CNTNAP4: variants seen among roughly 807,000 people sequenced by gnomAD.
CNTNAP4 encodes contactin-associated protein-like 4.
CNTNAP4 carries 98 observed loss-of-function variants against 148.4 expected under a neutral mutation model. That is an observed-to-expected ratio of 0.66 (90% CI 0.56 to 0.78). The LOEUF (loss-of-function observed/expected upper bound fraction) is 0.78. CNTNAP4 is among the 30% of genes least tolerant of loss of function. The pLI, the probability that CNTNAP4 is intolerant of heterozygous loss-of-function variation, is 0.00. For missense variants in CNTNAP4, 1,935 were observed against 1,565.6 expected, an observed-to-expected ratio of 1.24 and a Z score of -3.98; for synonymous variants, 730 against 565.1, an observed-to-expected ratio of 1.29 and a Z score of -4.14.
chr16:76,470,235 G>A (rs1042595796), intron 10 of CNTNAP4, among the ~76,000 whole-genome samples: 1 of 152,098 alleles, frequency 6.6e-6, no homozygotes, highest in Non-Finnish European at 1.5e-5. Flanking sequence ...ATGTTTGCCT[G>A]CCATGCCATG....
intron 17 of CNTNAP4, among the ~76,000 whole-genome samples, chr16:76,525,743 A>G (rs1013767726): frequency 6.7e-3 from 50 of 7,420 alleles, no homozygotes; most frequent in Non-Finnish European, 0.014. Flanking sequence ...TATATATTGT[A>G]TATAATATAG....
rs9939002 is a variant in CNTNAP4 at position 76,314,183 on chromosome 16, G to A, written c.86-2230G>A. ...GATACATATGTAAATGTATGTGCAT[G>A]TGTAATATATTTTATATGAAACATC... On this transcript the variant is annotated intron_variant, in intron 1 of 23. Transcript: ENST00000611870. 8.5e-3 allele frequency among the ~76,000 whole-genome samples: 1,291 copies of A among 152,298 alleles called. 17 individuals are homozygous for A. Among genetic ancestry groups the A allele is most frequent in the African/African-American group, 0.029 (1,211 of 41,540 alleles).
intron 3 of CNTNAP4, among the ~76,000 whole-genome samples, chr16:76,357,182 A>G (rs1340603909): frequency 6.6e-6 from 1 of 152,140 alleles, no homozygotes; most frequent in Non-Finnish European, 1.5e-5. Flanking sequence ...TAACAATAAA[A>G]ACTTAATGAG....
At chr16:76,452,384 A>G in intron 7 of CNTNAP4, 124 bp from the exon 8 acceptor site, 1 of 875,862 alleles carries the variant, frequency 1.1e-6, no homozygotes, top group Non-Finnish European at 1.8e-6. Flanking sequence ...TTGGACTGTC[A>G]TGTTGATAGC....
chr16:76,375,865 C>T (rs1210589266), intron 3 of CNTNAP4, among the ~76,000 whole-genome samples: 1 of 152,150 alleles, frequency 6.6e-6, no homozygotes, highest in Non-Finnish European at 1.5e-5. Flanking sequence ...AGATGGAAGG[C>T]GATGAATAGC....
At chr16:76,363,725 A>C (rs568860966) in intron 3 of CNTNAP4, among the ~76,000 whole-genome samples, 1 of 152,328 alleles carries the variant, frequency 6.6e-6, no homozygotes, top group South Asian at 2.1e-4. Context: ...AAATATTTGG[A>C]AACCATGTAT....
chr16:76,460,773 A>ATAAATAAATATATATATATATAT (rs1555564517), intron 8 of CNTNAP4, among the ~76,000 whole-genome samples: 1 of 57,324 alleles, frequency 1.7e-5, no homozygotes, highest in African/African-American at 6.4e-5. Context: ...AAAAAAAAAA[A>ATAAATAAATATATATATATATAT]ATATATATAT....
At chr16:76,550,221 C>T (rs1428006426) in intron 21 of CNTNAP4, among the ~76,000 whole-genome samples, 2 of 152,102 alleles carry the variant, frequency 1.3e-5, no homozygotes, top group Non-Finnish European at 2.9e-5. Context: ...TTGTTTTCTT[C>T]ATAGTATTAT....
In CNTNAP4 at chr16:76,472,336, C is replaced by G. The variant is rs371602239; in HGVS notation, c.1656-3603C>G. On this transcript the variant is annotated intron_variant, in intron 10 of 23. Transcript: ENST00000611870. ...CATTTGAATTAAAAATAGGAAAAATCTAGTCTAACAAGAATCAAGAAAAAT... is the reference window on the plus strand; with the variant it reads ...CATTTGAATTAAAAATAGGAAAAATGTAGTCTAACAAGAATCAAGAAAAAT... 3.3e-5 allele frequency among the ~76,000 whole-genome samples: 5 copies of G among 152,034 alleles called. No individual in the cohort carries two copies. In the East Asian group the frequency reaches 9.6e-4, roughly 29 times the overall value.
At chr16:76,444,457 T>G (rs1472478560) in intron 4 of CNTNAP4, among the ~76,000 whole-genome samples, 1 of 152,108 alleles carries the variant, frequency 6.6e-6, no homozygotes, top group Non-Finnish European at 1.5e-5. Context: ...TTCTTAACAG[T>G]GGTAAGATCA....
intron 2 of CNTNAP4, among the ~76,000 whole-genome samples, chr16:76,352,253 C>T (rs536753541): frequency 6.6e-6 from 1 of 152,114 alleles, no homozygotes; most frequent in Non-Finnish European, 1.5e-5. Flanking sequence ...AAAGTTTTGA[C>T]AGGGCCTGGA....
At chr16:76,405,141 AG>A (rs1451502170) in intron 3 of CNTNAP4, among the ~76,000 whole-genome samples, 1 of 152,224 alleles carries the variant, frequency 6.6e-6, no homozygotes, top group African/African-American at 2.4e-5. Context: ...GCTGTAATGT[AG>A]TTGTTAAAGA....
At chr16:76,353,298 C>T (rs926392689) in intron 2 of CNTNAP4, among the ~76,000 whole-genome samples, 2 of 152,166 alleles carry the variant, frequency 1.3e-5, no homozygotes, top group African/African-American at 4.8e-5. Flanking sequence ...TGAATGCAAG[C>T]AGTCATTAGT....
At chr16:76,287,767 A>G (rs1958947608) in intron 1 of CNTNAP4, 1 of 152,178 alleles carries the variant, frequency 6.6e-6, no homozygotes, top group Non-Finnish European at 1.5e-5. Context: ...TCCATTTTAT[A>G]TCATACAATA....
In CNTNAP4 at chr16:76,526,787, C is replaced by G. The variant is rs7188191; in HGVS notation, c.2755+4530C>G. Among the ~76,000 whole-genome samples, 741 of 151,980 alleles carry G rather than the reference C, an allele frequency of 4.9e-3. 8 individuals carry two copies. Among genetic ancestry groups the G allele is most frequent in the South Asian group, 0.023 (109 of 4,810 alleles). On this transcript the variant is annotated intron_variant, in intron 17 of 23. Transcript: ENST00000611870. ...CTCCTGGGCTCAAGGGATTCTCCCA[C>G]CTCAGCCTCCCAAGTAGCTGGCACC...
intron 1 of CNTNAP4, among the ~76,000 whole-genome samples, chr16:76,296,375 A>G (rs1025389141): frequency 2.0e-5 from 3 of 152,210 alleles, no homozygotes; most frequent in Non-Finnish European, 4.4e-5. Context: ...CTTATGATAG[A>G]AGACTGAATT....
At chr16:76,464,494 C>T (rs2081105168) in intron 9 of CNTNAP4, among the ~76,000 whole-genome samples, 1 of 152,116 alleles carries the variant, frequency 6.6e-6, no homozygotes, top group African/African-American at 2.4e-5. Flanking sequence ...GATAAGGCTG[C>T]TCTCTATCAC....
rs1461333787 is a variant in CNTNAP4, at chr16:76,489,694, T to C, written c.1891T>C (p.Trp631Arg). 2.5e-6 allele frequency: 4 copies of C among 1,573,912 alleles called. No individual in the cohort carries two copies. Among genetic ancestry groups the C allele is most frequent in the Middle Eastern group, 3.4e-4 (2 of 5,930 alleles). ...CCATTTCTGCATACAAGAAACTGCA[T>C]GGACCATCATACAGCACAACGGCTC... ...LLYCNMTETA[W>R]TIIQHNGSDL... Residue 631 changes from tryptophan (W) to arginine (R), a missense_variant, in exon 13 of 24, where the codon TGG becomes CGG. By Grantham distance (101) the Trp-to-Arg change is moderately radical (BLOSUM62 -3). Transcript: ENST00000611870.
intron 3 of CNTNAP4, among the ~76,000 whole-genome samples, chr16:76,397,604 TTTAACAA>T (rs970703101): frequency 1.9e-4 from 29 of 152,022 alleles, no homozygotes; most frequent in African/African-American, 7.0e-4. Flanking sequence ...GCAGTAAATA[TTTAACAA>T]TTAACATTTA....
Sources: gnomAD v4.1 joint callset for allele counts (sites outside exome capture counted in the v4.1 genomes callset) on GRCh38, gnomAD v4.1.1 for gene constraint, MANE v1.5 for transcripts, NCBI Gene and HGNC (gene_info 2026-07-23, HGNC 2026-07-21) for gene names.